Variants in ECHDC1 observed in about 807,000 individuals in gnomAD.
ECHDC1 encodes ethylmalonyl-CoA decarboxylase 1.
A neutral mutation model predicts 29.7 loss-of-function variants in ECHDC1; 29 were observed. The ratio of observed to expected loss-of-function variants is 0.98; its 90% CI spans 0.73 to 1.33. The LOEUF is 1.33. Among genes scored for constraint, ECHDC1 ranks in the 40% most tolerant of loss-of-function variants. ECHDC1 has a pLI of 0.00. For missense variants in ECHDC1, 328 were observed against 350.0 expected (o/e 0.94, Z 0.50); for synonymous variants, 126 against 123.1 (o/e 1.02, Z -0.15).
Position 127,316,468 on chromosome 6 carries a change from G to C in ECHDC1, c.398C>G (p.Thr133Ser), listed in dbSNP as rs1178934298. Residue 133 changes from threonine (T) to serine (S), a missense_variant, in exon 4 of 6, where the codon ACC becomes AGC. Coordinates refer to ENST00000454859, the MANE Select transcript of ECHDC1 (RefSeq NM_001002030.2). ...GMAVCMFMQN[T>S]LTRFMRLPLI... Reference sequence around the variant, plus strand: ...GCATTACCTCATAAATCTTGTTAAGGTGTTTTGCATGAACATGCATACGGC... The same window carrying C: ...GCATTACCTCATAAATCTTGTTAAGCTGTTTTGCATGAACATGCATACGGC... 2 of 1,606,144 alleles carry C rather than the reference G, an allele frequency of 1.2e-6. No homozygotes were observed. Among genetic ancestry groups the C allele is most frequent in the East Asian group, 4.5e-5 (2 of 44,496 alleles).
intron 3 of ECHDC1, among the ~76,000 whole-genome samples, chr6:127,325,986 A>C (rs1379089554): frequency 1.3e-5 from 2 of 152,156 alleles, no homozygotes; most frequent in East Asian, 3.8e-4. Flanking sequence ...TATAGGTGTG[A>C]GCCACCATGC....
intron 1 of ECHDC1, among the ~76,000 whole-genome samples, chr6:127,337,552 T>C (rs375243538): frequency 1.1e-4 from 16 of 152,376 alleles, no homozygotes; most frequent in African/African-American, 3.6e-4. Flanking sequence ...ATGTATTTGA[T>C]TGATGTTTCA....
At position 127,318,957 on chromosome 6, in the gene ECHDC1, T is replaced by C. The variant is rs532140898; in HGVS notation, c.364-2455A>G. The stretch of plus-strand genomic sequence containing the variant: ...TTTCAAAGTAAACTGGTTTATTCTC[T>C]GCTAAAAACCTTTCCAATAAAATCT... On this transcript the variant is annotated intron_variant, in intron 3 of 5. Coordinates refer to ENST00000454859, the MANE Select transcript of ECHDC1 (RefSeq NM_001002030.2). Among the ~76,000 whole-genome samples, 9 of 152,368 alleles carry C rather than the reference T, an allele frequency of 5.9e-5. No homozygotes were observed. In the East Asian group the frequency reaches 9.6e-4, roughly 16 times the overall value.
At chr6:127,335,783 A>G (rs1784377767) in intron 1 of ECHDC1, among the ~76,000 whole-genome samples, 1 of 152,146 alleles carries the variant, frequency 6.6e-6, no homozygotes, top group African/African-American at 2.4e-5. Context: ...GTCAAATGTT[A>G]CAAGTTGCAA....
intron 5 of ECHDC1, among the ~76,000 whole-genome samples, chr6:127,304,041 A>G (rs960155749): frequency 7.9e-5 from 12 of 152,182 alleles, no homozygotes; most frequent in African/African-American, 2.9e-4. Context: ...TAGTCCCTCA[A>G]GTGAACATAG....
intron 1 of ECHDC1, among the ~76,000 whole-genome samples, chr6:127,338,771 G>A (rs1784656511): frequency 6.6e-6 from 1 of 152,110 alleles, no homozygotes; most frequent in South Asian, 2.1e-4. Flanking sequence ...TCACTGAGTT[G>A]AAATTTATGT....
At chr6:127,309,139 A>G (rs1272295385) in intron 5 of ECHDC1, among the ~76,000 whole-genome samples, 1 of 152,144 alleles carries the variant, frequency 6.6e-6, no homozygotes, top group Non-Finnish European at 1.5e-5. Flanking sequence ...AAAACACAGA[A>G]TAGCCAAAAC....
intron 5 of ECHDC1, among the ~76,000 whole-genome samples, chr6:127,301,762 C>G (rs1781070411): frequency 6.6e-6 from 1 of 152,174 alleles, no homozygotes; most frequent in African/African-American, 2.4e-5. Flanking sequence ...TCAAATTTCT[C>G]TGGTCAAGGA....
chr6:127,322,238 G>A (rs746352334), intron 3 of ECHDC1, among the ~76,000 whole-genome samples: 6 of 151,986 alleles, frequency 3.9e-5, no homozygotes, highest in Non-Finnish European at 5.9e-5. Flanking sequence ...CCCAGGAGGC[G>A]GAGGTTGCAG....
chr6:127,324,489 A>G (rs894198112), intron 3 of ECHDC1, among the ~76,000 whole-genome samples: 1 of 152,172 alleles, frequency 6.6e-6, no homozygotes, highest in Non-Finnish European at 1.5e-5. Flanking sequence ...TATTTTAGTC[A>G]CAGGTAGGCT....
intron 1 of ECHDC1, among the ~76,000 whole-genome samples, chr6:127,338,252 G>T (rs1784604138): frequency 6.6e-6 from 1 of 152,174 alleles, no homozygotes; most frequent in African/African-American, 2.4e-5. Flanking sequence ...AGCGATTTCA[G>T]AGAGAAAGCA....
At chr6:127,335,862 C>A (rs1040133511) in intron 1 of ECHDC1, among the ~76,000 whole-genome samples, 2 of 152,064 alleles carry the variant, frequency 1.3e-5, no homozygotes, top group Non-Finnish European at 2.9e-5. Flanking sequence ...TACTCCTTTT[C>A]CAAAACTCAT....
At chr6:127,327,252 T>A in intron 2 of ECHDC1, 108 bp from the exon 3 acceptor site, 1 of 1,247,476 alleles carries the variant, frequency 8.0e-7, no homozygotes, top group South Asian at 1.6e-5. Flanking sequence ...CTATATTTTA[T>A]AAATATTTAC....
intron 3 of ECHDC1, among the ~76,000 whole-genome samples, chr6:127,320,232 G>C (rs1371423972): frequency 6.6e-6 from 1 of 152,110 alleles, no homozygotes; most frequent in Non-Finnish European, 1.5e-5. Context: ...GGCCAGGTTG[G>C]TCTCGAACTC....
chr6:127,292,325 A>G (rs544606253), intron 5 of ECHDC1, among the ~76,000 whole-genome samples: 1 of 152,206 alleles, frequency 6.6e-6, no homozygotes, highest in Non-Finnish European at 1.5e-5. Flanking sequence ...GCTTCTAAAG[A>G]AAAATCATCA....
chr6:127,306,623 A>C (rs1196368107), intron 5 of ECHDC1, among the ~76,000 whole-genome samples: 1 of 152,034 alleles, frequency 6.6e-6, no homozygotes, highest in African/African-American at 2.4e-5. Flanking sequence ...ATGAGTGTAC[A>C]TTTCCTGAGG....
At chr6:127,309,093 C>A (rs921955254) in intron 5 of ECHDC1, among the ~76,000 whole-genome samples, 3 of 151,736 alleles carry the variant, frequency 2.0e-5, no homozygotes, top group Non-Finnish European at 4.4e-5. Context: ...TCACATAAAT[C>A]GAAAAAAAGA....
intron 1 of ECHDC1, 83 bp downstream of exon 1, chr6:127,343,253 G>A (rs765105534): frequency 1.3e-5 from 2 of 152,288 alleles, no homozygotes; most frequent in African/African-American, 2.4e-5. Context: ...GAGCGGTACA[G>A]TCCATTCCAC....
chr6:127,296,175 T>C (rs567212350), intron 5 of ECHDC1, among the ~76,000 whole-genome samples: 2 of 152,194 alleles, frequency 1.3e-5, no homozygotes, highest in East Asian at 1.9e-4. Context: ...TTGATAGATA[T>C]GACTACTTTT....
Sources: gnomAD v4.1 joint callset for allele counts (sites outside exome capture counted in the v4.1 genomes callset) on GRCh38, gnomAD v4.1.1 for gene constraint, MANE v1.5 for transcripts, NCBI Gene and HGNC (gene_info 2026-07-23, HGNC 2026-07-21) for gene names.